Variants in MYBL2 observed in about 807,000 individuals in gnomAD.
MYBL2 encodes MYB proto-oncogene like 2, also known as myb-related protein B.
A neutral mutation model predicts 79.9 loss-of-function variants in MYBL2; 28 were observed. The ratio of observed to expected loss-of-function variants is 0.35; its 90% CI spans 0.26 to 0.48. MYBL2 has a LOEUF of 0.48. MYBL2 is among the 20% of genes least tolerant of loss of function. The pLI, the probability that MYBL2 is intolerant of heterozygous loss-of-function variation, is 0.99. For synonymous variants in MYBL2, 378 were observed against 361.2 expected (o/e 1.05, Z -0.53); for missense variants, 735 against 893.9 (o/e 0.82, Z 2.27).
chr20:43,701,183 A>T (rs1033408050), intron 7 of MYBL2, among the ~76,000 whole-genome samples: 2 of 152,180 alleles, frequency 1.3e-5, no homozygotes, highest in African/African-American at 4.8e-5. Context: ...GGCTCTTTCC[A>T]CAATGACCTT....
chr20:43,712,980 C>T (rs769592631), intron 11 of MYBL2, 22 bp from the exon 12 acceptor site: 5 of 1,584,198 alleles, frequency 3.2e-6, no homozygotes, highest in East Asian at 2.2e-5. Flanking sequence ...ACCCTAACCC[C>T]CTTCTATCTG....
At chr20:43,676,169 T>G (rs978937102) in intron 2 of MYBL2, among the ~76,000 whole-genome samples, 1 of 152,210 alleles carries the variant, frequency 6.6e-6, no homozygotes, top group South Asian at 2.1e-4. Flanking sequence ...TCTTCCCACT[T>G]CAGCCTCCTG....
intron 1 of MYBL2, among the ~76,000 whole-genome samples, chr20:43,668,959 C>CGGGA (rs532770343): frequency 4.0e-4 from 61 of 152,052 alleles, no homozygotes; most frequent in African/African-American, 1.4e-3. Flanking sequence ...CTCTGCCTCC[C>CGGGA]GGGTTCAAGG....
In MYBL2 at chr20:43,667,270, T is replaced by C; in HGVS notation, c.-14T>C. 8.2e-7 allele frequency: 1 copy of C among 1,221,482 alleles called. No individual in the cohort carries two copies. Among genetic ancestry groups the C allele is most frequent in the Non-Finnish European group, 1.0e-6 (1 of 982,326 alleles). The allele number at this position is 1,221,482 out of a possible 1,614,324, so 75.7% of individuals were successfully genotyped here. A position where few individuals can be genotyped will look rare whatever the true frequency, so the allele number is the denominator to read the frequency against. Reference sequence around the variant, plus strand: ...CGGCGGGCGGGCGAGCGCGGCGCGGTCCGGGCCGGGGGGATGTCTCGGCGG... The same window carrying C: ...CGGCGGGCGGGCGAGCGCGGCGCGGCCCGGGCCGGGGGGATGTCTCGGCGG... On this transcript the variant is annotated 5_prime_UTR_variant, in exon 1 of 14. Transcript: ENST00000217026.
chr20:43,674,589 C>A (rs1986961394), intron 2 of MYBL2, among the ~76,000 whole-genome samples: 2 of 151,490 alleles, frequency 1.3e-5, no homozygotes, highest in South Asian at 4.2e-4. Context: ...GATACGGGGG[C>A]TTCACCATGC....
intron 4 of MYBL2, among the ~76,000 whole-genome samples, chr20:43,684,580 T>G (rs1987223700): frequency 6.6e-6 from 1 of 151,348 alleles, no homozygotes; most frequent in African/African-American, 2.4e-5. Flanking sequence ...CTTCCTATGT[T>G]TTCCAGGCTG....
chr20:43,690,405 C>T (rs573398070), intron 5 of MYBL2, among the ~76,000 whole-genome samples: 2 of 152,140 alleles, frequency 1.3e-5, no homozygotes, highest in South Asian at 4.2e-4. Context: ...GGGATTTCAC[C>T]ATGTTGGCCA....
intron 6 of MYBL2, among the ~76,000 whole-genome samples, chr20:43,699,412 A>C (rs1476204132): frequency 2.0e-5 from 3 of 152,248 alleles, no homozygotes; most frequent in Non-Finnish European, 4.4e-5. Flanking sequence ...TCCTAAGAAT[A>C]AGGCCATTTG....
intron 9 of MYBL2, 44 bp from the exon 10 acceptor site, chr20:43,709,919 G>A (rs6073181): frequency 2.0e-5 from 30 of 1,492,120 alleles, no homozygotes; most frequent in Non-Finnish European, 2.6e-5. Context: ...GCCTGGCGTC[G>A]GCCCCTATCC....
Position 43,711,843 on chromosome 20 carries a change from C to T in MYBL2, c.1719+242C>T, listed in dbSNP as rs549558817. ...TTACTTATCCAGCATTGTGTTCGGA[C>T]CCTGCTCAAGTTGGGCTGGGCTGGA... On this transcript the variant is annotated intron_variant, in intron 11 of 13. Coordinates refer to ENST00000217026, the MANE Select transcript of MYBL2 (RefSeq NM_002466.4). 2.0e-5 allele frequency among the ~76,000 whole-genome samples: 3 copies of T among 152,250 alleles called. No homozygotes were observed. In the South Asian group the frequency reaches 6.2e-4, roughly 32 times the overall value.
At position 43,715,117 on chromosome 20, in the gene MYBL2, C is replaced by T. The variant is rs951459626; in HGVS notation, c.1825-17C>T. ...TTCTCGCAAAATGGTGACTCCTTGA[C>T]TTGGTTTTGGTTTCAGCCGACAACT... On this transcript the variant is annotated splice_polypyrimidine_tract_variant and intron_variant, in intron 12 of 13. Coordinates refer to ENST00000217026, the MANE Select transcript of MYBL2 (RefSeq NM_002466.4). The T allele has an allele frequency of 6.2e-7, 1 of 1,613,442 alleles. No individual in the cohort carries two copies. The highest frequency in any genetic ancestry group is 1.3e-5 in the African/African-American group (1 of 74,892).
intron 2 of MYBL2, among the ~76,000 whole-genome samples, chr20:43,674,226 C>G (rs1420597273): frequency 9.4e-6 from 1 of 106,182 alleles, no homozygotes; most frequent in Non-Finnish European, 2.1e-5. Context: ...TCTGTAACTC[C>G]CCCCACCCTT....
intron 6 of MYBL2, among the ~76,000 whole-genome samples, chr20:43,692,715 C>T (rs1987442357): frequency 6.6e-6 from 1 of 152,176 alleles, no homozygotes; most frequent in African/African-American, 2.4e-5. Context: ...GGGCGGATTG[C>T]TCAAGCCCAG....
rs576136448 is a variant in MYBL2 at position 43,674,018 on chromosome 20, G to T, written c.114+119G>T. 3.4e-6 allele frequency: 3 copies of T among 876,608 alleles called. No homozygotes were observed. In the African/African-American group the frequency reaches 5.0e-5, roughly 15 times the overall value. The allele number at this position is 876,608 out of a possible 1,614,324, so 54.3% of individuals were successfully genotyped here. ...GAAGAGGAGGAGCCGGTGAAGGAAG[G>T]GATGGGTCCTCTGATTGTCCTCATG... On this transcript the variant is annotated intron_variant, in intron 2 of 13. Coordinates refer to ENST00000217026, the MANE Select transcript of MYBL2 (RefSeq NM_002466.4).
At chr20:43,689,228 A>G (rs1192332731) in intron 5 of MYBL2, among the ~76,000 whole-genome samples, 1 of 151,856 alleles carries the variant, frequency 6.6e-6, no homozygotes, top group East Asian at 1.9e-4. Flanking sequence ...TTTTTTTGTC[A>G]TGGCAGTGTG....
At chr20:43,686,004 T>G (rs981999392) in intron 4 of MYBL2, among the ~76,000 whole-genome samples, 9 of 151,644 alleles carry the variant, frequency 5.9e-5, no homozygotes, top group African/African-American at 1.9e-4. Flanking sequence ...GCCATTGCAC[T>G]CCAGCCTGGG....
intron 4 of MYBL2, among the ~76,000 whole-genome samples, chr20:43,686,572 C>T (rs1987277934): frequency 1.3e-5 from 2 of 152,128 alleles, no homozygotes; most frequent in South Asian, 2.1e-4. Flanking sequence ...CTTTGTTTAC[C>T]CCCACTTGAT....
At chr20:43,682,993 T>C in intron 4 of MYBL2, 107 bp downstream of exon 4, 1 of 1,031,886 alleles carries the variant, frequency 9.7e-7, no homozygotes, top group Non-Finnish European at 1.5e-6. Flanking sequence ...AGCTGAGCAT[T>C]GGGTGTGAGT....
In MYBL2 at chr20:43,681,742, G is replaced by T. The variant is rs748728349; in HGVS notation, c.115-42G>T. On this transcript the variant is annotated intron_variant, in intron 2 of 13. Transcript: ENST00000217026. The stretch of plus-strand genomic sequence containing the variant: ...GTCACGGGCAGCCCTGAGGTTTTCT[G>T]CACGTATGTGTGCTGAGCCCCTGTC... 4.4e-6 allele frequency: 7 copies of T among 1,608,308 alleles called. No individual in the cohort carries two copies. The Admixed American group carries it at 1.2e-4, about 27-fold the overall frequency.
Sources: gnomAD v4.1 joint callset for allele counts (sites outside exome capture counted in the v4.1 genomes callset) on GRCh38, gnomAD v4.1.1 for gene constraint, MANE v1.5 for transcripts, NCBI Gene and HGNC (gene_info 2026-07-23, HGNC 2026-07-21) for gene names.